Variants in ERG observed in about 807,000 individuals in gnomAD.
The protein encoded by ERG is transcriptional regulator ERG.
A neutral mutation model predicts 55.3 loss-of-function variants in ERG; 9 were observed. The ratio of observed to expected loss-of-function variants is 0.16; its 90% CI spans 0.10 to 0.28. The LOEUF (loss-of-function observed/expected upper bound fraction) is 0.28. Among genes scored for constraint, ERG ranks in the 10% least tolerant of loss-of-function variants. The pLI, the probability that ERG is intolerant of heterozygous loss-of-function variation, is 1.00. For synonymous variants in ERG, 223 were observed against 237.3 expected (o/e 0.94, Z 0.55); for missense variants, 434 against 631.6 (o/e 0.69, Z 3.35).
intron 1 of ERG, among the ~76,000 whole-genome samples, chr21:38,627,741 T>C (rs2060333520): frequency 6.6e-6 from 1 of 152,174 alleles, no homozygotes; most frequent in South Asian, 2.1e-4. Context: ...TTTTTAAAGA[T>C]GTGAATTAGA....
intron 2 of ERG, among the ~76,000 whole-genome samples, chr21:38,510,544 CT>C: frequency 6.6e-6 from 1 of 152,258 alleles, no homozygotes; most frequent in East Asian, 1.9e-4. Flanking sequence ...TATTTCAGTA[CT>C]TTTGGAGTGG....
chr21:38,587,682 T>C (rs2060074931), upstream of ERG, among the ~76,000 whole-genome samples: 1 of 152,238 alleles, frequency 6.6e-6, no homozygotes, highest in Non-Finnish European at 1.5e-5. Context: ...TTAATAAACA[T>C]GTTCCCCAAA....
In ERG at chr21:38,380,690, C is replaced by T; in HGVS notation, c.*2713G>A. 3.8e-6 allele frequency: 4 copies of T among 1,064,918 alleles called. No individual in the cohort carries two copies. The highest frequency in any genetic ancestry group is 4.6e-6 in the Non-Finnish European group (4 of 879,088). 66.0% of individuals were successfully genotyped at this position (1,064,918 alleles called of 1,614,324 possible). ...TAAGAATTATGTATTTGAAGGAACT[C>T]AGTATTATCATGTTATCCAAAATTA... is the stretch of plus-strand genomic sequence containing the variant. On this transcript the variant is annotated 3_prime_UTR_variant, in exon 10 of 10. Transcript: ENST00000288319.
intron 2 of ERG, among the ~76,000 whole-genome samples, chr21:38,431,496 T>C (rs1990209615): frequency 6.6e-6 from 1 of 152,106 alleles, no homozygotes; most frequent in Non-Finnish European, 1.5e-5. Context: ...TAAGACAAAA[T>C]GATAACATAA....
chr21:38,480,065 C>T (rs562984099), intron 1 of ERG, among the ~76,000 whole-genome samples: 13 of 152,106 alleles, frequency 8.5e-5, no homozygotes, highest in Non-Finnish European at 1.5e-4. Context: ...GACAGTCGAT[C>T]CCATAACCAA....
chr21:38,609,322 G>A (rs923526873), intron 1 of ERG, among the ~76,000 whole-genome samples: 4 of 151,936 alleles, frequency 2.6e-5, no homozygotes, highest in East Asian at 1.9e-4. Flanking sequence ...CTATTTTCAC[G>A]CCCATGTGGA....
intron 9 of ERG, among the ~76,000 whole-genome samples, chr21:38,384,836 A>G (rs746373716): frequency 1.4e-4 from 21 of 145,280 alleles, no homozygotes; most frequent in Non-Finnish European, 2.7e-4. Context: ...AAGTTTAGGA[A>G]AAAAAAAAAA....
intron 1 of ERG, chr21:38,661,537 A>G (rs766714650): frequency 6.6e-6 from 1 of 152,226 alleles, no homozygotes; most frequent in Non-Finnish European, 1.5e-5. Flanking sequence ...GGCGTCTGCA[A>G]CCAGCAGCCT....
At chr21:38,420,031 GTTTT>G (rs34463414) in intron 3 of ERG, among the ~76,000 whole-genome samples, 1 of 144,586 alleles carries the variant, frequency 6.9e-6, no homozygotes, top group Non-Finnish European at 1.5e-5. Flanking sequence ...ATAACTGATG[GTTTT>G]TTTTTTTTTC....
intron 2 of ERG, among the ~76,000 whole-genome samples, chr21:38,559,440 T>A (rs1338765394): frequency 1.6e-5 from 2 of 124,138 alleles, no homozygotes; most frequent in Admixed American, 1.0e-4. Flanking sequence ...AAAGACCAAC[T>A]CTGGGACCCA....
At chr21:38,496,360 A>G (rs113694642) in intron 1 of ERG, among the ~76,000 whole-genome samples, 130 of 152,332 alleles carry the variant, frequency 8.5e-4, no homozygotes, top group African/African-American at 2.9e-3. Context: ...ATTCCAGTGG[A>G]CAGCCATCAT....
chr21:38,381,592 A>G lies in ERG; in HGVS notation c.*1811T>C. On this transcript the variant is annotated 3_prime_UTR_variant, in exon 10 of 10. Transcript: ENST00000288319. ...TTCTGTAAAGTGAGAAATTGCAGCT[A>G]TCCATGACGCTTTATTTGCCAGTAA... 9.4e-7 allele frequency: 1 copy of G among 1,063,014 alleles called. No homozygotes were observed. The highest frequency in any genetic ancestry group is 1.6e-5 in the African/African-American group (1 of 61,074). 65.8% of individuals were successfully genotyped at this position (1,063,014 alleles called of 1,614,324 possible).
intron 2 of ERG, among the ~76,000 whole-genome samples, chr21:38,427,197 C>G (rs1989871526): frequency 6.6e-6 from 1 of 152,034 alleles, no homozygotes; most frequent in Non-Finnish European, 1.5e-5. Context: ...AGCCTGGCCT[C>G]CCAAGTAGCT....
intron 2 of ERG, among the ~76,000 whole-genome samples, chr21:38,557,256 T>C (rs1374200752): frequency 2.0e-5 from 3 of 152,256 alleles, no homozygotes; most frequent in Admixed American, 1.3e-4. Context: ...TGAGACTTTC[T>C]CTATTTTTAG....
chr21:38,601,694 A>G (rs1473090997), intron 1 of ERG, among the ~76,000 whole-genome samples: 1 of 152,162 alleles, frequency 6.6e-6, no homozygotes, highest in African/African-American at 2.4e-5. Context: ...ATGTGCCAGC[A>G]TTTCCAGTCA....
chr21:38,385,526 G>A (rs1199809619), intron 9 of ERG, among the ~76,000 whole-genome samples: 1 of 152,096 alleles, frequency 6.6e-6, no homozygotes, highest in Non-Finnish European at 1.5e-5. Context: ...TTTGCATGTT[G>A]GCTACATGGA....
At chr21:38,385,832 T>A (rs1034757729) in intron 9 of ERG, among the ~76,000 whole-genome samples, 4 of 152,196 alleles carry the variant, frequency 2.6e-5, no homozygotes, top group Non-Finnish European at 5.9e-5. Context: ...AATTACAACT[T>A]GAAAAAATTC....
intron 1 of ERG, among the ~76,000 whole-genome samples, chr21:38,601,761 T>C (rs1372125206): frequency 6.6e-6 from 1 of 152,230 alleles, no homozygotes; most frequent in Admixed American, 6.5e-5. Flanking sequence ...AACTTTAAAA[T>C]AGTAACAGTT....
intron 2 of ERG, among the ~76,000 whole-genome samples, chr21:38,527,062 T>G (rs1231475208): frequency 6.6e-6 from 1 of 152,148 alleles, no homozygotes; most frequent in African/African-American, 2.4e-5. Flanking sequence ...GAGAGTAATT[T>G]TCCACGACGC....
Sources: gnomAD v4.1 joint callset for allele counts (sites outside exome capture counted in the v4.1 genomes callset) on GRCh38, gnomAD v4.1.1 for gene constraint, MANE v1.5 for transcripts, NCBI Gene and HGNC (gene_info 2026-07-23, HGNC 2026-07-21) for gene names.